EXT1: variants seen among roughly 807,000 people sequenced by gnomAD.
EXT1 encodes the protein exostosin-1.
In EXT1, 20 loss-of-function variants were observed where a neutral mutation model predicts 82.5. That is an observed-to-expected ratio of 0.24 (90% CI 0.17 to 0.35). The LOEUF is 0.35. Ranked by LOEUF, EXT1 falls within the 10% of genes least tolerant of loss-of-function variation. EXT1 has a pLI of 1.00. For synonymous variants in EXT1, 348 were observed against 350.8 expected, an observed-to-expected ratio of 0.99 and a Z score of 0.09; for missense variants, 757 against 936.5, an observed-to-expected ratio of 0.81 and a Z score of 2.50.
intron 1 of EXT1, among the ~76,000 whole-genome samples, chr8:117,894,413 C>T (rs923156665): frequency 1.3e-5 from 2 of 152,112 alleles, no homozygotes; most frequent in African/African-American, 4.8e-5. Flanking sequence ...GGTGTTTGGG[C>T]AGCAAGGGAG....
chr8:117,890,836 G>C (rs1455388573), intron 1 of EXT1, among the ~76,000 whole-genome samples: 1 of 152,180 alleles, frequency 6.6e-6, no homozygotes, highest in Non-Finnish European at 1.5e-5. Context: ...TTTTAGAGAT[G>C]TTTTTCGTTT....
chr8:118,100,526 G>A (rs1476609024), intron 1 of EXT1, among the ~76,000 whole-genome samples: 2 of 152,096 alleles, frequency 1.3e-5, no homozygotes, highest in Non-Finnish European at 2.9e-5. Context: ...GAGGCAGGTG[G>A]ATCACGAGGT....
At chr8:117,911,609 G>A (rs531188909) in intron 1 of EXT1, among the ~76,000 whole-genome samples, 122 of 152,188 alleles carry the variant, frequency 8.0e-4, no homozygotes, top group Non-Finnish European at 1.3e-3. Context: ...TCAGAAAGAA[G>A]GCCAACGGTG....
In EXT1 at chr8:118,040,476, G is replaced by C. The variant is rs372986469; in HGVS notation, c.962+69609C>G. ...CATAAATTGGATAGCAAACCTACTG[G>C]GCCAGTGTCATCTTCAACTCTGTCA... On this transcript the variant is annotated intron_variant, in intron 1 of 10. Transcript: ENST00000378204. Among the ~76,000 whole-genome samples the C allele has an allele frequency of 2.6e-5, 4 of 152,142 alleles. No individual in the cohort carries two copies. In the South Asian group the frequency reaches 6.2e-4, roughly 24 times the overall value.
At chr8:117,814,825 C>T (rs1811772789) in intron 7 of EXT1, among the ~76,000 whole-genome samples, 1 of 152,000 alleles carries the variant, frequency 6.6e-6, no homozygotes, top group Admixed American at 6.6e-5. Flanking sequence ...TGCAGTCTCC[C>T]CAAATCTGAG....
intron 1 of EXT1, among the ~76,000 whole-genome samples, chr8:117,853,397 T>C (rs1812488455): frequency 6.6e-6 from 1 of 152,110 alleles, no homozygotes; most frequent in Admixed American, 6.5e-5. Flanking sequence ...ATATAAAAAT[T>C]AGCCAGGTAT....
At chr8:117,913,684 G>A (rs1258186714) in intron 1 of EXT1, among the ~76,000 whole-genome samples, 1 of 152,122 alleles carries the variant, frequency 6.6e-6, no homozygotes, top group Non-Finnish European at 1.5e-5. Context: ...TACTCTGGGA[G>A]GGAAGTAGGA....
chr8:117,833,891 T>C (rs1197054883), intron 3 of EXT1, among the ~76,000 whole-genome samples: 2 of 152,172 alleles, frequency 1.3e-5, no homozygotes, highest in African/African-American at 2.4e-5. Flanking sequence ...GAATAAATGA[T>C]TTTAGCATAC....
intron 1 of EXT1, among the ~76,000 whole-genome samples, chr8:118,000,509 CTT>C (rs1018123609): frequency 6.6e-6 from 1 of 152,196 alleles, no homozygotes; most frequent in African/African-American, 2.4e-5. Context: ...GAGGTGATCT[CTT>C]GTCTTCCTGC....
chr8:117,894,995 A>C (rs1813310992), intron 1 of EXT1, among the ~76,000 whole-genome samples: 1 of 152,234 alleles, frequency 6.6e-6, no homozygotes, highest in Non-Finnish European at 1.5e-5. Flanking sequence ...ATTAAGCATC[A>C]ACTGGCAAAT....
chr8:118,008,256 C>T (rs1815820588), intron 1 of EXT1, among the ~76,000 whole-genome samples: 1 of 151,356 alleles, frequency 6.6e-6, no homozygotes, highest in Non-Finnish European at 1.5e-5. Context: ...GCATATTATA[C>T]TTTTTTTTGT....
intron 1 of EXT1, among the ~76,000 whole-genome samples, chr8:118,046,264 G>A (rs887998877): frequency 6.6e-6 from 1 of 152,104 alleles, no homozygotes; most frequent in African/African-American, 2.4e-5. Flanking sequence ...TTAAGGAGCA[G>A]CAGATAAGGC....
At chr8:117,878,944 C>A (rs1195505840) in intron 1 of EXT1, among the ~76,000 whole-genome samples, 1 of 152,208 alleles carries the variant, frequency 6.6e-6, no homozygotes, top group Admixed American at 6.5e-5. Context: ...CGCTGTAGAG[C>A]ACCTGGCCTC....
At chr8:118,036,052 C>T (rs1160733769) in intron 1 of EXT1, among the ~76,000 whole-genome samples, 3 of 151,888 alleles carry the variant, frequency 2.0e-5, no homozygotes, top group African/African-American at 7.3e-5. Context: ...TTTCTTGCCT[C>T]CCTTTCTCTG....
chr8:118,023,415 C>G (rs1243046544), intron 1 of EXT1, among the ~76,000 whole-genome samples: 1 of 152,180 alleles, frequency 6.6e-6, no homozygotes, highest in Non-Finnish European at 1.5e-5. Context: ...TTCTTCCTGG[C>G]TTTGGCTAAG....
At chr8:117,931,255 C>A (rs1053249745) in intron 1 of EXT1, among the ~76,000 whole-genome samples, 1 of 152,172 alleles carries the variant, frequency 6.6e-6, no homozygotes, top group African/African-American at 2.4e-5. Flanking sequence ...CTCACAAGAT[C>A]CAAGAACTCT....
rs1051209191 is a variant in EXT1, at chr8:118,019,780, A to T, written c.962+90305T>A. Among the ~76,000 whole-genome samples the T allele has an allele frequency of 1.6e-4, 24 of 152,210 alleles. 1 individual carries two copies. The highest frequency in any genetic ancestry group is 5.5e-4 in the African/African-American group (23 of 41,454). On this transcript the variant is annotated intron_variant, in intron 1 of 10. Coordinates refer to ENST00000378204, the MANE Select transcript of EXT1 (RefSeq NM_000127.3). ...GAGGAACTGAGACAAAACTTAAATA[A>T]CTCTGACCAAAGTTACCCACTTGGT...
intron 1 of EXT1, among the ~76,000 whole-genome samples, chr8:118,054,920 G>A (rs1339583797): frequency 4.6e-5 from 7 of 151,082 alleles, no homozygotes; most frequent in East Asian, 1.9e-4. Context: ...CACATTAATG[G>A]GTCATTCTCC....
intron 1 of EXT1, among the ~76,000 whole-genome samples, chr8:118,057,531 C>T (rs905491529): frequency 6.0e-5 from 9 of 150,370 alleles, no homozygotes; most frequent in African/African-American, 1.7e-4. Context: ...GCAACAAGAG[C>T]GAAACTCCAT....
Sources: allele counts gnomAD v4.1 joint callset (sites outside exome capture counted in the v4.1 genomes callset), GRCh38; gene constraint gnomAD v4.1.1; transcripts MANE v1.5; gene names NCBI Gene and HGNC (gene_info 2026-07-23, HGNC 2026-07-21).